CDKL5: variants seen among roughly 807,000 people sequenced by gnomAD.
CDKL5 encodes cyclin dependent kinase like 5.
In CDKL5, 8 loss-of-function variants were observed where a neutral mutation model predicts 61.7. That is an observed-to-expected ratio of 0.13 (90% confidence interval 0.08 to 0.23). CDKL5 has a LOEUF of 0.23. Ranked by LOEUF, CDKL5 falls within the 10% of genes least tolerant of loss-of-function variation. The pLI is 1.00. For synonymous variants in CDKL5, 275 were observed against 272.3 expected, an observed-to-expected ratio of 1.01 and a Z score of -0.10; for missense variants, 440 against 734.5, an observed-to-expected ratio of 0.60 and a Z score of 4.63.
chrX:18,598,425 G>A (rs745871100), intron 10 of CDKL5, 37 bp from the exon 11 acceptor site: 2 of 1,145,488 alleles, frequency 1.7e-6, no homozygotes, highest in African/African-American at 3.6e-5. Context: ...ATTTGACTTT[G>A]TAATGTTCTT....
chrX:18,565,261 T>C (rs1448427368), intron 4 of CDKL5, among the ~76,000 whole-genome samples: 1 of 111,991 alleles, frequency 8.9e-6, no homozygotes, highest in Non-Finnish European at 1.9e-5. Context: ...TTCAGACTTT[T>C]TGGACTGAGA....
At chrX:18,479,134 T>C (rs944374712) in intron 1 of CDKL5, among the ~76,000 whole-genome samples, 2 of 111,577 alleles carry the variant, frequency 1.8e-5, no homozygotes, top group African/African-American at 6.5e-5. Context: ...ATTATAGGTG[T>C]AAGACACCGT....
At chrX:18,485,902 AGAG>A (rs1921774295) in intron 1 of CDKL5, among the ~76,000 whole-genome samples, 2 of 111,423 alleles carry the variant, frequency 1.8e-5, no homozygotes, top group African/African-American at 3.3e-5. Context: ...TTTTTTAAAA[AGAG>A]AGAGCGCAAC....
intron 1 of CDKL5, among the ~76,000 whole-genome samples, chrX:18,465,651 A>G (rs890007897): frequency 1.8e-5 from 2 of 111,712 alleles, no homozygotes; most frequent in Middle Eastern, 4.6e-3. Context: ...CCTGGGCGAT[A>G]GAGTGAGACT....
chrX:18,447,763 A>G (rs1434426421), intron 1 of CDKL5, among the ~76,000 whole-genome samples: 1 of 111,255 alleles, frequency 9.0e-6, no homozygotes, highest in Admixed American at 9.7e-5. Context: ...ATCATAGGTC[A>G]TTGTCTCCAT....
intron 15 of CDKL5, among the ~76,000 whole-genome samples, chrX:18,615,985 T>A (rs1926701577): frequency 9.0e-6 from 1 of 111,168 alleles, no homozygotes; most frequent in South Asian, 3.8e-4. Flanking sequence ...CAAAATAGAG[T>A]TAATATGGTG....
intron 3 of CDKL5, among the ~76,000 whole-genome samples, chrX:18,514,472 C>T (rs907842796): frequency 1.8e-5 from 2 of 110,889 alleles, no homozygotes; most frequent in African/African-American, 3.3e-5. Flanking sequence ...CTTAGGAGGC[C>T]AAGGTGGGCA....
intron 1 of CDKL5, among the ~76,000 whole-genome samples, chrX:18,475,438 G>A (rs1246588721): frequency 9.1e-6 from 1 of 110,065 alleles, no homozygotes; most frequent in African/African-American, 3.3e-5. Context: ...GGGACCACAG[G>A]CATGCCCACC....
At chrX:18,435,954 C>G (rs1339398654) in intron 1 of CDKL5, among the ~76,000 whole-genome samples, 1 of 110,993 alleles carries the variant, frequency 9.0e-6, no homozygotes, top group African/African-American at 3.3e-5. Context: ...GGTGCTGACC[C>G]TCACGCAGTC....
At chrX:18,427,351 G>T (rs1260418109) in intron 1 of CDKL5, among the ~76,000 whole-genome samples, 2 of 107,374 alleles carry the variant, frequency 1.9e-5, no homozygotes, top group African/African-American at 3.4e-5. Flanking sequence ...GGGTGGTTGA[G>T]GGGGGAAGGA....
At chrX:18,582,922 A>G (rs140012413) in intron 7 of CDKL5, among the ~76,000 whole-genome samples, 4,651 of 111,556 alleles carry the variant, frequency 0.042, 97 homozygotes, top group Middle Eastern at 0.1. Context: ...TACAGGACTT[A>G]ATTTTCTTCA....
chrX:18,531,730 C>T lies in CDKL5; in HGVS notation c.99+20876C>T, dbSNP rs866549438. On this transcript the variant is annotated intron_variant, in intron 3 of 17. Coordinates refer to ENST00000623535, the MANE Select transcript of CDKL5 (RefSeq NM_001323289.2). ...TTCTTTTTTTTTTGAGATGGAGTCT[C>T]GCTCTGTCGCCCAGGCCGGACTGCG... Among the ~76,000 whole-genome samples the T allele has an allele frequency of 4.8e-5, 5 of 104,604 alleles. No individual in the cohort carries two copies. The South Asian group carries it at 2.1e-3, about 44-fold the overall frequency. 90.8% of individuals were successfully genotyped at this position (104,604 alleles called of 115,157 possible).
At chrX:18,559,373 T>C (rs1334817149) in intron 3 of CDKL5, among the ~76,000 whole-genome samples, 3 of 110,741 alleles carry the variant, frequency 2.7e-5, no homozygotes, top group Non-Finnish European at 5.7e-5. Flanking sequence ...CATGCCGGGC[T>C]AATTTTTGTA....
At chrX:18,549,035 G>A (rs1426408862) in intron 3 of CDKL5, among the ~76,000 whole-genome samples, 1 of 111,875 alleles carries the variant, frequency 8.9e-6, no homozygotes, top group Non-Finnish European at 1.9e-5. Context: ...ATTCATCAGT[G>A]TGTTGATGAA....
At chrX:18,429,848 G>A (rs991192562) in intron 1 of CDKL5, among the ~76,000 whole-genome samples, 1 of 111,656 alleles carries the variant, frequency 9.0e-6, no homozygotes, top group Non-Finnish European at 1.9e-5. Context: ...ATGTTGCTCA[G>A]GCTGGTCTTG....
chrX:18,536,780 CCCT>C (rs1456352249), intron 3 of CDKL5, among the ~76,000 whole-genome samples: 1 of 110,603 alleles, frequency 9.0e-6, no homozygotes, highest in African/African-American at 3.3e-5. Context: ...CTGTGTGTCT[CCCT>C]CCTGAGAGCT....
At chrX:18,605,999 T>C (rs764268258) in intron 12 of CDKL5, among the ~76,000 whole-genome samples, 46 of 111,948 alleles carry the variant, frequency 4.1e-4, no homozygotes, top group Non-Finnish European at 7.0e-4. Context: ...CTGGCCAACA[T>C]GGTGAAACCC....
intron 20 of CDKL5, chrX:18,646,190 C>T (rs981565603): frequency 2.5e-5 from 29 of 1,151,266 alleles, no homozygotes; most frequent in Non-Finnish European, 3.1e-5. Context: ...CTTGCTCTGT[C>T]GCCCAGGCTG....
downstream of CDKL5, chrX:18,641,992 C>G (rs1172558867): frequency 8.3e-7 from 1 of 1,209,269 alleles, no homozygotes; most frequent in Non-Finnish European, 1.1e-6. Flanking sequence ...AGGCGCCGAG[C>G]TGAGGCAGGC....
Sources: allele counts gnomAD v4.1 joint callset (sites outside exome capture counted in the v4.1 genomes callset), GRCh38; gene constraint gnomAD v4.1.1; transcripts MANE v1.5; gene names NCBI Gene and HGNC (gene_info 2026-07-23, HGNC 2026-07-21).